Variants in GALNT13 observed in about 807,000 individuals in gnomAD.
GALNT13 encodes polypeptide N-acetylgalactosaminyltransferase 13.
Under a neutral mutation model 64.2 loss-of-function variants are expected in GALNT13, and 28 were observed. The observed-to-expected ratio is 0.44, with a 90% CI of 0.32 to 0.60. The LOEUF (loss-of-function observed/expected upper bound fraction) is 0.60, where lower values mean the gene tolerates loss of function less well. Among genes scored for constraint, GALNT13 ranks in the 20% least tolerant of loss-of-function variants. The pLI, the probability that GALNT13 is intolerant of heterozygous loss-of-function variation, is 0.05. For missense variants in GALNT13, 577 were observed against 669.8 expected (o/e 0.86, Z 1.53); for synonymous variants, 214 against 224.6 (o/e 0.95, Z 0.42).
intron 3 of GALNT13, among the ~76,000 whole-genome samples, chr2:153,973,092 G>T (rs1161410455): frequency 6.6e-6 from 1 of 151,854 alleles, no homozygotes; most frequent in Non-Finnish European, 1.5e-5. Context: ...ATGTAAAGAG[G>T]GGTTAGTCGT....
intron 3 of GALNT13, 102 bp from the exon 4 acceptor site, chr2:154,140,235 G>A (rs1356044251): frequency 2.5e-6 from 2 of 812,044 alleles, no homozygotes; most frequent in African/African-American, 3.5e-5. Flanking sequence ...AAACCTGTAT[G>A]TAAATAATAT....
chr2:153,144,123 C>A, the GALNT13 span, among the ~76,000 whole-genome samples: 1 of 151,960 alleles, frequency 6.6e-6, no homozygotes, highest in Non-Finnish European at 1.5e-5. Flanking sequence ...TTCTTTTCTC[C>A]ATTTTTAGAA....
At chr2:153,508,649 C>T in the GALNT13 span, among the ~76,000 whole-genome samples, 1 of 152,152 alleles carries the variant, frequency 6.6e-6, no homozygotes, top group Non-Finnish European at 1.5e-5. Flanking sequence ...CCAGCCTCCC[C>T]GCTGATGAAG....
At chr2:153,344,295 C>G in the GALNT13 span, among the ~76,000 whole-genome samples, 1 of 152,214 alleles carries the variant, frequency 6.6e-6, no homozygotes, top group Non-Finnish European at 1.5e-5. Flanking sequence ...GAAGCACACA[C>G]TGAATTCACT....
At chr2:153,868,608 T>C (rs1685802877), upstream of GALNT13, among the ~76,000 whole-genome samples, 3 of 152,242 alleles carry the variant, frequency 2.0e-5, no homozygotes, top group Admixed American at 6.5e-5. Flanking sequence ...GACATAACTA[T>C]CTCACCCTTT....
intron 2 of GALNT13, among the ~76,000 whole-genome samples, chr2:153,911,221 G>A (rs1358401885): frequency 1.3e-5 from 2 of 152,068 alleles, no homozygotes; most frequent in African/African-American, 2.4e-5. Context: ...CCTAAAATTA[G>A]GATTGTAACC....
chr2:153,078,810 T>G, the GALNT13 span, among the ~76,000 whole-genome samples: 1 of 152,302 alleles, frequency 6.6e-6, no homozygotes, highest in African/African-American at 2.4e-5. Flanking sequence ...ATTATCGTAA[T>G]GAATGGGTGT....
At chr2:153,967,462 A>T (rs1023027459) in intron 3 of GALNT13, among the ~76,000 whole-genome samples, 1 of 152,138 alleles carries the variant, frequency 6.6e-6, no homozygotes, top group Non-Finnish European at 1.5e-5. Context: ...TGGCCCCCAT[A>T]AGCCCAGGAA....
intron 3 of GALNT13, among the ~76,000 whole-genome samples, chr2:154,059,034 T>C (rs1449510154): frequency 2.6e-5 from 4 of 152,170 alleles, no homozygotes; most frequent in Non-Finnish European, 5.9e-5. Flanking sequence ...AAATTCTGTA[T>C]TTTGAAATAA....
At chr2:153,258,245 C>T in the GALNT13 span, among the ~76,000 whole-genome samples, 1 of 152,164 alleles carries the variant, frequency 6.6e-6, no homozygotes, top group Non-Finnish European at 1.5e-5. Flanking sequence ...CAAATCAGTC[C>T]TATCATGATT....
chr2:153,083,387 T>C, the GALNT13 span, among the ~76,000 whole-genome samples: 8 of 152,316 alleles, frequency 5.3e-5, no homozygotes, highest in African/African-American at 1.7e-4. Flanking sequence ...TTTCCCCACA[T>C]CTACCCCAAC....
At chr2:154,254,966 A>G (rs770017126) in intron 7 of GALNT13, among the ~76,000 whole-genome samples, 1 of 152,204 alleles carries the variant, frequency 6.6e-6, no homozygotes, top group Non-Finnish European at 1.5e-5. Context: ...TATTAAATGC[A>G]TATATCCACA....
At chr2:153,221,668 AG>A in the GALNT13 span, among the ~76,000 whole-genome samples, 2 of 152,166 alleles carry the variant, frequency 1.3e-5, no homozygotes, top group African/African-American at 2.4e-5. Flanking sequence ...CCGCCTGCCA[AG>A]GGTGAGCCAG....
chr2:153,339,324 C>T, the GALNT13 span, among the ~76,000 whole-genome samples: 27 of 152,096 alleles, frequency 1.8e-4, no homozygotes, highest in Non-Finnish European at 2.8e-4. Flanking sequence ...CAAAATGAGA[C>T]AATATCTCAA....
At chr2:154,266,074 A>C (rs955673177) in intron 8 of GALNT13, among the ~76,000 whole-genome samples, 2 of 152,202 alleles carry the variant, frequency 1.3e-5, no homozygotes, top group Non-Finnish European at 2.9e-5. Flanking sequence ...TGAATTTAAA[A>C]AGAAAACCAA....
chr2:153,401,081 C>T, the GALNT13 span, among the ~76,000 whole-genome samples: 4 of 152,112 alleles, frequency 2.6e-5, no homozygotes, highest in East Asian at 5.8e-4. Flanking sequence ...AAATTTCCCT[C>T]TACACACTGC....
the GALNT13 span, among the ~76,000 whole-genome samples, chr2:153,862,488 C>T: frequency 1.3e-5 from 2 of 152,020 alleles, no homozygotes; most frequent in South Asian, 4.2e-4. Flanking sequence ...GATTTCATTG[C>T]TTTTGGATTA....
the GALNT13 span, among the ~76,000 whole-genome samples, chr2:153,529,508 A>G: frequency 6.6e-6 from 1 of 151,904 alleles, no homozygotes; most frequent in East Asian, 1.9e-4. Flanking sequence ...TACCAATCCT[A>G]CTCAAACTGC....
the GALNT13 span, among the ~76,000 whole-genome samples, chr2:153,387,029 T>C: frequency 1.7e-4 from 26 of 152,234 alleles, no homozygotes; most frequent in South Asian, 5.2e-3. Flanking sequence ...GAAGTTATGA[T>C]TTAGAAAAGG....
Sources: allele counts gnomAD v4.1 joint callset (sites outside exome capture counted in the v4.1 genomes callset), GRCh38; gene constraint gnomAD v4.1.1; transcripts MANE v1.5; gene names NCBI Gene and HGNC (gene_info 2026-07-23, HGNC 2026-07-21).